SCAMP1: variants seen among roughly 807,000 people sequenced by gnomAD.
SCAMP1 encodes secretory carrier-associated membrane protein 1.
A neutral mutation model predicts 41.8 loss-of-function variants in SCAMP1; 15 were observed. The observed-to-expected ratio is 0.36, with a 90% confidence interval of 0.24 to 0.55. The LOEUF is 0.55. Ranked by LOEUF, SCAMP1 falls within the 20% of genes least tolerant of loss-of-function variation. The pLI is 0.86. For synonymous variants in SCAMP1, 135 were observed against 136.8 expected (o/e 0.99, Z 0.09); for missense variants, 341 against 412.6 (o/e 0.83, Z 1.50).
At chr5:78,363,509 C>G (rs1461203758) in intron 1 of SCAMP1, among the ~76,000 whole-genome samples, 1 of 152,202 alleles carries the variant, frequency 6.6e-6, no homozygotes, top group Non-Finnish European at 1.5e-5. Flanking sequence ...GGGCCCGACC[C>G]ATTTTTCAAA....
intron 2 of SCAMP1, among the ~76,000 whole-genome samples, chr5:78,395,135 C>T (rs147303006): frequency 1.9e-3 from 293 of 152,330 alleles, no homozygotes; most frequent in African/African-American, 6.7e-3. Context: ...AGACCATCCA[C>T]GGTTTGACTT....
Position 78,479,074 on chromosome 5 carries a change from G to A in SCAMP1, c.*3406G>A, listed in dbSNP as rs1391069783. 6.6e-6 allele frequency: 1 copy of A among 151,920 alleles called. No homozygotes were observed. The allele number at this position is 151,920 out of a possible 1,614,324, so 9.4% of individuals were successfully genotyped here. ...AACATCTAATTCAGTATCCTTATTG[G>A]TACAAATCTGTGTTTGGCATGACTG... On this transcript the variant is annotated 3_prime_UTR_variant, in exon 9 of 9. Coordinates refer to ENST00000621999, the MANE Select transcript of SCAMP1 (RefSeq NM_004866.6).
intron 1 of SCAMP1, among the ~76,000 whole-genome samples, chr5:78,377,493 G>C (rs10059672): frequency 0.18 from 28,025 of 152,102 alleles, 3,233 homozygotes; most frequent in Admixed American, 0.34. Flanking sequence ...AGGTTTCCTC[G>C]TGTCCAATTC....
At chr5:78,380,344 G>T (rs1389425571) in intron 1 of SCAMP1, among the ~76,000 whole-genome samples, 1 of 152,198 alleles carries the variant, frequency 6.6e-6, no homozygotes, top group Non-Finnish European at 1.5e-5. Flanking sequence ...GATAAATGCA[G>T]ATGTTATTTT....
At chr5:78,361,307 C>A (rs550436040) in intron 1 of SCAMP1, among the ~76,000 whole-genome samples, 3 of 152,124 alleles carry the variant, frequency 2.0e-5, no homozygotes, top group Non-Finnish European at 4.4e-5. Flanking sequence ...GCTGCCATCC[C>A]CCCTCTTTCT....
chr5:78,421,870 C>A lies in SCAMP1; in HGVS notation c.542C>A (p.Ala181Glu). 1.2e-6 allele frequency: 2 copies of A among 1,613,676 alleles called. No homozygotes were observed. Among genetic ancestry groups the A allele is most frequent in the Non-Finnish European group, 1.7e-6 (2 of 1,179,702 alleles). The part of the protein sequence containing the change: ...LAWFCVDSAR[A>E]VDFGLSILWF... The stretch of plus-strand genomic sequence containing the variant: ...TGGTTTTGTGTTGATTCTGCAAGAG[C>A]GGTTGATTTTGGATTGAGTATCCTG... The change falls in exon 6 of 9, where the codon GCG becomes GAG. Residue 181 changes from alanine (A) to glutamate (E), a missense_variant. Coordinates refer to ENST00000621999, the MANE Select transcript of SCAMP1 (RefSeq NM_004866.6).
At chr5:78,387,376 T>C (rs1193400791) in intron 1 of SCAMP1, among the ~76,000 whole-genome samples, 1 of 151,452 alleles carries the variant, frequency 6.6e-6, no homozygotes, top group Non-Finnish European at 1.5e-5. Flanking sequence ...TTTTTTTTTT[T>C]TTAATTTCTT....
intron 6 of SCAMP1, among the ~76,000 whole-genome samples, chr5:78,423,802 A>G (rs914514417): frequency 6.6e-6 from 1 of 151,790 alleles, no homozygotes; most frequent in African/African-American, 2.4e-5. Context: ...ATACAAATAT[A>G]TTAATAATCT....
intron 6 of SCAMP1, among the ~76,000 whole-genome samples, chr5:78,428,902 T>A (rs1213995396): frequency 1.3e-5 from 2 of 152,150 alleles, no homozygotes; most frequent in East Asian, 3.8e-4. Context: ...ATTTCCTCTT[T>A]GGATTGTTTG....
intron 1 of SCAMP1, among the ~76,000 whole-genome samples, chr5:78,377,588 T>C (rs1014563265): frequency 6.6e-6 from 1 of 152,224 alleles, no homozygotes; most frequent in Non-Finnish European, 1.5e-5. Flanking sequence ...ACACAAAGAT[T>C]GGGCAAAGAA....
chr5:78,433,134 T>G (rs1454447857), intron 6 of SCAMP1, among the ~76,000 whole-genome samples: 5 of 152,192 alleles, frequency 3.3e-5, no homozygotes, highest in African/African-American at 1.2e-4. Flanking sequence ...TCATGCATGT[T>G]GGCCACCTTT....
rs115205983 is a variant in SCAMP1, at chr5:78,449,186, T to G, written c.633-747T>G. Among the ~76,000 whole-genome samples, 902 of 152,076 alleles carry G rather than the reference T, an allele frequency of 5.9e-3. 10 individuals carry two copies. The highest frequency in any genetic ancestry group is 0.021 in the African/African-American group (862 of 41,502). ...TTGTACATGACTATTAATAATAGCT[T>G]TATTATGAATAATAACAATAATAAC... is the stretch of plus-strand genomic sequence containing the variant. On this transcript the variant is annotated intron_variant, in intron 6 of 8. Coordinates refer to ENST00000621999, the MANE Select transcript of SCAMP1 (RefSeq NM_004866.6).
At chr5:78,472,875 A>C (rs1753918844) in intron 8 of SCAMP1, among the ~76,000 whole-genome samples, 1 of 152,172 alleles carries the variant, frequency 6.6e-6, no homozygotes, top group South Asian at 2.1e-4. Context: ...TTACATGCTC[A>C]CAAACTTGGG....
chr5:78,362,953 C>T (rs1361617982), intron 1 of SCAMP1, among the ~76,000 whole-genome samples: 5 of 144,002 alleles, frequency 3.5e-5, no homozygotes, highest in South Asian at 2.1e-4. Context: ...AGTGCAATGG[C>T]GTGATCTCAA....
At chr5:78,453,932 T>C (rs1363739694) in intron 7 of SCAMP1, among the ~76,000 whole-genome samples, 1 of 152,192 alleles carries the variant, frequency 6.6e-6, no homozygotes, top group Admixed American at 6.5e-5. Context: ...CTGGGTATTT[T>C]ATTCTCTTTG....
intron 2 of SCAMP1, among the ~76,000 whole-genome samples, chr5:78,397,796 T>G (rs564796396): frequency 6.6e-6 from 1 of 152,140 alleles, no homozygotes; most frequent in African/African-American, 2.4e-5. Context: ...TGAGTCCACA[T>G]GGACTCAGAT....
At chr5:78,442,937 T>C (rs1037053431) in intron 6 of SCAMP1, among the ~76,000 whole-genome samples, 9 of 152,186 alleles carry the variant, frequency 5.9e-5, no homozygotes, top group Non-Finnish European at 1.2e-4. Context: ...CTGGGTGCCA[T>C]GGCTCATGCC....
intron 1 of SCAMP1, among the ~76,000 whole-genome samples, chr5:78,364,679 T>C (rs945690940): frequency 1.3e-5 from 2 of 152,074 alleles, no homozygotes; most frequent in Non-Finnish European, 2.9e-5. Flanking sequence ...CAGCAGAGGA[T>C]AGGATTAAAA....
chr5:78,419,275 A>T (rs1275940098), intron 5 of SCAMP1, among the ~76,000 whole-genome samples: 1 of 152,238 alleles, frequency 6.6e-6, no homozygotes, highest in African/African-American at 2.4e-5. Context: ...ATTTAAAAGA[A>T]TTCTGTTAAA....
Sources: allele counts gnomAD v4.1 joint callset (sites outside exome capture counted in the v4.1 genomes callset), GRCh38; gene constraint gnomAD v4.1.1; transcripts MANE v1.5; gene names NCBI Gene and HGNC (gene_info 2026-07-23, HGNC 2026-07-21).